The following FRMPD4 variants were observed in gnomAD, a reference collection of about 807,000 sequenced individuals.
FRMPD4 encodes the protein FERM and PDZ domain-containing protein 4.
A neutral mutation model predicts 94.1 loss-of-function variants in FRMPD4; 22 were observed. The observed-to-expected ratio is 0.23, with a 90% CI of 0.17 to 0.33. The LOEUF (loss-of-function observed/expected upper bound fraction) is 0.33, where lower values mean the gene tolerates loss of function less well. Among genes scored for constraint, FRMPD4 ranks in the 10% least tolerant of loss-of-function variants. The probability of loss-of-function intolerance (pLI) is 1.00; values close to 1 mark genes in which losing one functional copy is unlikely to be tolerated. For missense variants in FRMPD4, 1,111 were observed against 1,339.9 expected (o/e 0.83, Z 2.67); for synonymous variants, 631 against 548.6 (o/e 1.15, Z -2.10).
intron 1 of FRMPD4, among the ~76,000 whole-genome samples, chrX:12,177,773 G>T (rs1260802297): frequency 1.8e-5 from 2 of 112,079 alleles, no homozygotes; most frequent in Non-Finnish European, 3.8e-5. Flanking sequence ...AAAGAGATAA[G>T]AATCCTGGCC....
At chrX:12,520,975 G>T (rs2058156029) in intron 2 of FRMPD4, among the ~76,000 whole-genome samples, 1 of 112,131 alleles carries the variant, frequency 8.9e-6, no homozygotes, top group African/African-American at 3.2e-5. Context: ...GGCTTTGTGG[G>T]TCATACGGTT....
At chrX:12,632,493 T>G (rs2059404753) in intron 4 of FRMPD4, among the ~76,000 whole-genome samples, 2 of 112,393 alleles carry the variant, frequency 1.8e-5, no homozygotes, top group African/African-American at 3.2e-5. Flanking sequence ...ACAGCTTAAA[T>G]ATACTATTAA....
At chrX:12,292,833 A>G (rs1052486844) in intron 1 of FRMPD4, among the ~76,000 whole-genome samples, 2 of 111,798 alleles carry the variant, frequency 1.8e-5, no homozygotes, top group African/African-American at 3.3e-5. Context: ...ATATAGGAAT[A>G]TAACTGAGAT....
At chrX:12,151,304 C>A (rs2147596357) in intron 1 of FRMPD4, among the ~76,000 whole-genome samples, 1 of 111,600 alleles carries the variant, frequency 9.0e-6, no homozygotes, top group Admixed American at 9.5e-5. Context: ...TTACTTAACT[C>A]TGTAAAGTGG....
chrX:12,110,547 A>C (rs1490858744), intron 3 of FRMPD4, among the ~76,000 whole-genome samples: 1 of 111,551 alleles, frequency 9.0e-6, no homozygotes, highest in East Asian at 2.8e-4. Context: ...CCTACTCAAC[A>C]TAGTGTTGGA....
chrX:12,246,295 T>G (rs2053957292), intron 1 of FRMPD4, among the ~76,000 whole-genome samples: 1 of 112,309 alleles, frequency 8.9e-6, no homozygotes, highest in Non-Finnish European at 1.9e-5. Context: ...GAGCTGACTC[T>G]TCATTCACTT....
intron 2 of FRMPD4, among the ~76,000 whole-genome samples, chrX:12,566,753 A>G (rs1602141073): frequency 8.9e-6 from 1 of 111,977 alleles, no homozygotes; most frequent in Admixed American, 9.5e-5. Flanking sequence ...TACGTTAATA[A>G]CTGCCCACTG....
chrX:11,976,425 G>C (rs2054367548), intron 3 of FRMPD4, among the ~76,000 whole-genome samples: 1 of 111,996 alleles, frequency 8.9e-6, no homozygotes, highest in African/African-American at 3.2e-5. Context: ...GTTCTGGCAT[G>C]GTCTTCCTTT....
At chrX:12,231,623 T>A (rs1247665444) in intron 1 of FRMPD4, among the ~76,000 whole-genome samples, 1 of 111,344 alleles carries the variant, frequency 9.0e-6, no homozygotes, top group Non-Finnish European at 1.9e-5. Context: ...AAAATACAGA[T>A]TTCCTGGCCC....
intron 1 of FRMPD4, among the ~76,000 whole-genome samples, chrX:12,454,814 C>CT (rs1416634334): frequency 7.2e-4 from 33 of 46,041 alleles, no homozygotes; most frequent in South Asian, 2.8e-3. Context: ...TAGAAAGCCA[C>CT]GTTTTTTTTT....
chrX:12,682,393 C>G (rs995711732), intron 5 of FRMPD4, among the ~76,000 whole-genome samples: 1 of 112,037 alleles, frequency 8.9e-6, no homozygotes, highest in Non-Finnish European at 1.9e-5. Flanking sequence ...TACTAGAATT[C>G]TTTACGCAAC....
chrX:12,053,212 G>T (rs191604261), intron 3 of FRMPD4, among the ~76,000 whole-genome samples: 158 of 108,296 alleles, frequency 1.5e-3, no homozygotes, highest in Non-Finnish European at 2.5e-3. Context: ...GGTGGTACAT[G>T]CCTGTAATCT....
chrX:12,227,809 AAAAG>A (rs2056938841), intron 1 of FRMPD4, among the ~76,000 whole-genome samples: 2 of 101,306 alleles, frequency 2.0e-5, no homozygotes, highest in African/African-American at 3.7e-5. Context: ...TTAAAGAAAA[AAAAG>A]AGAAAGAGAG....
chrX:12,333,301 T>G (rs1299650383), intron 1 of FRMPD4, among the ~76,000 whole-genome samples: 2 of 108,837 alleles, frequency 1.8e-5, no homozygotes, highest in African/African-American at 7.0e-5. Context: ...ACATTGAGGA[T>G]TTTTGCATTT....
chrX:12,214,888 G>T (rs948812741), intron 1 of FRMPD4, among the ~76,000 whole-genome samples: 2 of 107,190 alleles, frequency 1.9e-5, no homozygotes, highest in Non-Finnish European at 3.8e-5. Flanking sequence ...TACATTTTCA[G>T]CCTTCTTTTT....
chrX:12,015,928 A>G (rs934146453), intron 3 of FRMPD4, among the ~76,000 whole-genome samples: 4 of 111,924 alleles, frequency 3.6e-5, no homozygotes, highest in African/African-American at 1.3e-4. Flanking sequence ...GAGCCACCAT[A>G]CTCATTGGGG....
chrX:12,188,093 A>C (rs192387144), intron 1 of FRMPD4, among the ~76,000 whole-genome samples: 1 of 111,704 alleles, frequency 9.0e-6, no homozygotes, highest in African/African-American at 3.3e-5. Context: ...GTGGCACTGG[A>C]GTCAGCTGAC....
chrX:12,510,953 CT>C (rs1314960148), intron 2 of FRMPD4, among the ~76,000 whole-genome samples: 2 of 112,006 alleles, frequency 1.8e-5, no homozygotes, highest in Non-Finnish European at 3.8e-5. Flanking sequence ...CATGTTATAG[CT>C]GCAGTTCCAA....
At chrX:12,432,801 A>G (rs1309475673) in intron 1 of FRMPD4, among the ~76,000 whole-genome samples, 2 of 112,100 alleles carry the variant, frequency 1.8e-5, no homozygotes, top group Non-Finnish European at 3.8e-5. Context: ...AGGTGTTACT[A>G]TGTTGCCCAG....
Sources: allele counts gnomAD v4.1 joint callset (sites outside exome capture counted in the v4.1 genomes callset), GRCh38; gene constraint gnomAD v4.1.1; transcripts MANE v1.5; gene names NCBI Gene and HGNC (gene_info 2026-07-23, HGNC 2026-07-21).